Variants in TUBA4B observed in about 807,000 individuals in gnomAD.
The protein encoded by TUBA4B is tubulin-like protein alpha-4B.
Under a neutral mutation model 18.4 loss-of-function variants are expected in TUBA4B, and 13 were observed. The ratio of observed to expected loss-of-function variants is 0.71; its 90% CI spans 0.46 to 1.12. The LOEUF is 1.12. Ranked by LOEUF, TUBA4B falls within the 50% of genes most tolerant of loss-of-function variation. TUBA4B has a pLI of 0.00. For synonymous variants in TUBA4B, 101 were observed against 99.1 expected, an observed-to-expected ratio of 1.02 and a Z score of -0.11; for missense variants, 244 against 250.0, an observed-to-expected ratio of 0.98 and a Z score of 0.16.
At chr2:219,259,627 C>T (rs1225080136) in intron 1 of TUBA4B, among the ~76,000 whole-genome samples, 1 of 152,174 alleles carries the variant, frequency 6.6e-6, no homozygotes, top group Non-Finnish European at 1.5e-5. Flanking sequence ...TGTACTCTCC[C>T]TCTGGGTCTC....
chr2:219,268,681 A>G (rs1022180519), intron 2 of TUBA4B, among the ~76,000 whole-genome samples: 1 of 152,230 alleles, frequency 6.6e-6, no homozygotes, highest in African/African-American at 2.4e-5. Flanking sequence ...GTCATCTAAA[A>G]ATCATGAAAA....
chr2:219,266,571 G>GT lies in TUBA4B; in HGVS notation c.58+6dup. On this transcript the variant is annotated splice_donor_region_variant and intron_variant, in intron 2 of 3. Coordinates refer to ENST00000490341, the MANE Select transcript of TUBA4B (RefSeq NM_001355221.1). ...AGCCCCTGTCCAGGCAGCATGGTGA[G>GT]TAGAAGGGGCCTTGGGGGGACTGAG... The GT allele has an allele frequency of 4.3e-6, 3 of 703,050 alleles. No homozygotes were observed. The highest frequency in any genetic ancestry group is 7.8e-6 in the Non-Finnish European group (3 of 384,990). 43.6% of individuals were successfully genotyped at this position (703,050 alleles called of 1,614,324 possible). A position where few individuals can be genotyped will look rare whatever the true frequency, so the allele number is the denominator to read the frequency against.
intron 1 of TUBA4B, among the ~76,000 whole-genome samples, chr2:219,255,676 C>A (rs1391043566): frequency 6.6e-6 from 1 of 152,176 alleles, no homozygotes; most frequent in Non-Finnish European, 1.5e-5. Flanking sequence ...GCCTGCCTTG[C>A]ATTTTCTAAT....
intron 1 of TUBA4B, chr2:219,253,941 C>A: frequency 8.4e-7 from 1 of 1,194,786 alleles, no homozygotes; most frequent in Non-Finnish European, 1.1e-6. Context: ...GCCGCACCGC[C>A]CTTATAGGCG....
chr2:219,256,017 A>T (rs1951716840), intron 1 of TUBA4B, among the ~76,000 whole-genome samples: 1 of 152,236 alleles, frequency 6.6e-6, no homozygotes, highest in Admixed American at 6.5e-5. Context: ...GAATAAGGTC[A>T]TGGTCCCTAC....
intron 1 of TUBA4B, among the ~76,000 whole-genome samples, chr2:219,259,935 C>A (rs1254124912): frequency 2.0e-5 from 3 of 152,220 alleles, no homozygotes; most frequent in African/African-American, 4.8e-5. Context: ...GACTCACATG[C>A]TCCGCTGAGA....
chr2:219,257,993 T>G (rs1454132406), intron 1 of TUBA4B, among the ~76,000 whole-genome samples: 1 of 144,274 alleles, frequency 6.9e-6, no homozygotes, highest in African/African-American at 2.6e-5. Flanking sequence ...GTTTTTTTTT[T>G]TTTTTTTTTT....
At chr2:219,270,150 C>A (rs1951816586) in intron 2 of TUBA4B, 52 bp from the exon 3 acceptor site, 1 of 693,706 alleles carries the variant, frequency 1.4e-6, no homozygotes, top group Non-Finnish European at 2.7e-6. Context: ...AGCTGGATTG[C>A]AAAGGGAGGT....
intron 1 of TUBA4B, among the ~76,000 whole-genome samples, chr2:219,264,726 G>T (rs994424156): frequency 6.6e-6 from 1 of 152,176 alleles, no homozygotes; most frequent in African/African-American, 2.4e-5. Flanking sequence ...ACACTACTCA[G>T]AATGGCGTGC....
intron 1 of TUBA4B, chr2:219,253,844 G>T: frequency 6.6e-7 from 1 of 1,508,052 alleles, no homozygotes; most frequent in South Asian, 1.3e-5. Flanking sequence ...ACCCCGGCCG[G>T]GCCGCACTCA....
chr2:219,258,897 T>G (rs1951741135), intron 1 of TUBA4B, among the ~76,000 whole-genome samples: 2 of 151,992 alleles, frequency 1.3e-5, no homozygotes, highest in African/African-American at 2.4e-5. Context: ...CGTTACACAT[T>G]TATGATACCC....
intron 1 of TUBA4B, among the ~76,000 whole-genome samples, chr2:219,255,520 C>T (rs1252736518): frequency 1.3e-5 from 2 of 151,942 alleles, no homozygotes; most frequent in African/African-American, 4.8e-5. Context: ...GGTGTGAGCC[C>T]CCACACCCGG....
At chr2:219,254,808 CATT>C (rs958975533) in intron 1 of TUBA4B, among the ~76,000 whole-genome samples, 5 of 152,328 alleles carry the variant, frequency 3.3e-5, no homozygotes, top group East Asian at 1.9e-4. Context: ...ATAGTGGAAA[CATT>C]GTTGTAAGCT....
At chr2:219,264,459 CAAAAA>C (rs36027298) in intron 1 of TUBA4B, among the ~76,000 whole-genome samples, 2 of 78,854 alleles carry the variant, frequency 2.5e-5, no homozygotes. Flanking sequence ...GGCCCTGTCT[CAAAAA>C]AAAAAAAAAA....
chr2:219,262,179 TGG>T (rs1951763546), intron 1 of TUBA4B, among the ~76,000 whole-genome samples: 1 of 152,058 alleles, frequency 6.6e-6, no homozygotes, highest in Non-Finnish European at 1.5e-5. Context: ...GGCGTGGTGG[TGG>T]GCGCCTGTAG....
At chr2:219,256,291 C>T (rs1050017170) in intron 1 of TUBA4B, among the ~76,000 whole-genome samples, 2 of 152,166 alleles carry the variant, frequency 1.3e-5, no homozygotes, top group Admixed American at 1.3e-4. Flanking sequence ...GTAGCTGTGA[C>T]ATTTATTTTA....
At chr2:219,261,472 C>T (rs1283453867) in intron 1 of TUBA4B, among the ~76,000 whole-genome samples, 1 of 152,170 alleles carries the variant, frequency 6.6e-6, no homozygotes, top group Non-Finnish European at 1.5e-5. Flanking sequence ...CCTGTACACA[C>T]CCCTAGGTCT....
chr2:219,259,999 C>T (rs754716787), intron 1 of TUBA4B, among the ~76,000 whole-genome samples: 7 of 152,234 alleles, frequency 4.6e-5, no homozygotes, highest in Non-Finnish European at 1.0e-4. Context: ...AAAGGCCACA[C>T]ATCTCCATCT....
intron 1 of TUBA4B, among the ~76,000 whole-genome samples, chr2:219,256,120 G>A (rs1015693395): frequency 1.3e-5 from 2 of 152,194 alleles, no homozygotes; most frequent in African/African-American, 4.8e-5. Context: ...TATCCTAGCA[G>A]AATGAACATA....
Sources: allele counts gnomAD v4.1 joint callset (sites outside exome capture counted in the v4.1 genomes callset), GRCh38; gene constraint gnomAD v4.1.1; transcripts MANE v1.5; gene names NCBI Gene and HGNC (gene_info 2026-07-23, HGNC 2026-07-21).